The following SLC30A8 variants were observed in gnomAD, a reference collection of about 807,000 sequenced individuals.
SLC30A8 encodes the protein proton-coupled zinc antiporter SLC30A8.
A neutral mutation model predicts 36.9 loss-of-function variants in SLC30A8; 27 were observed. That is an observed-to-expected ratio of 0.73 (90% CI 0.54 to 1.01). The LOEUF (loss-of-function observed/expected upper bound fraction) is 1.01, where lower values mean the gene tolerates loss of function less well. Ranked by LOEUF, SLC30A8 falls within the 50% of genes least tolerant of loss-of-function variation. The pLI, the probability that SLC30A8 is intolerant of heterozygous loss-of-function variation, is 0.00. For missense variants in SLC30A8, 439 were observed against 452.0 expected (o/e 0.97, Z 0.26); for synonymous variants, 164 against 172.4 (o/e 0.95, Z 0.38).
At chr8:116,988,474 T>A (rs1815525636) in intron 1 of SLC30A8, among the ~76,000 whole-genome samples, 1 of 152,168 alleles carries the variant, frequency 6.6e-6, no homozygotes, top group Non-Finnish European at 1.5e-5. Context: ...CCCAAGCCCT[T>A]CTCTCTTTGG....
intron 2 of SLC30A8, among the ~76,000 whole-genome samples, chr8:117,102,015 A>G (rs1245886195): frequency 6.6e-6 from 1 of 152,044 alleles, no homozygotes; most frequent in Non-Finnish European, 1.5e-5. Flanking sequence ...CAGACTTCCT[A>G]TATGAAGTTC....
At chr8:117,091,376 AGAATCCAT>A (rs1327696664) in intron 2 of SLC30A8, among the ~76,000 whole-genome samples, 1 of 136,018 alleles carries the variant, frequency 7.4e-6, no homozygotes, top group Non-Finnish European at 1.6e-5. Context: ...TTTCCTGTAC[AGAATCCAT>A]TTTTTTTCTC....
intron 1 of SLC30A8, among the ~76,000 whole-genome samples, chr8:117,140,871 C>T (rs907349761): frequency 2.7e-4 from 41 of 152,122 alleles, no homozygotes; most frequent in African/African-American, 8.4e-4. Flanking sequence ...ATGATTTGTT[C>T]TCCTTTTTCC....
intron 1 of SLC30A8, among the ~76,000 whole-genome samples, chr8:116,953,964 G>A (rs1814092632): frequency 6.6e-6 from 1 of 152,182 alleles, no homozygotes; most frequent in Non-Finnish European, 1.5e-5. Context: ...TCTGAGGGGA[G>A]TTGGATTAGG....
At chr8:117,161,975 G>A in intron 5 of SLC30A8, 87 bp downstream of exon 5, 1 of 1,219,904 alleles carries the variant, frequency 8.2e-7, no homozygotes. Context: ...TAAAGAGAAT[G>A]GGCATCCTCT....
intron 1 of SLC30A8, among the ~76,000 whole-genome samples, chr8:116,968,686 G>C (rs2130610960): frequency 6.6e-6 from 1 of 151,932 alleles, no homozygotes; most frequent in South Asian, 2.1e-4. Context: ...TTATAGGAAA[G>C]AGGAGTGAAT....
intron 2 of SLC30A8, among the ~76,000 whole-genome samples, chr8:117,082,398 C>A (rs1367628005): frequency 6.6e-6 from 1 of 152,136 alleles, no homozygotes; most frequent in Non-Finnish European, 1.5e-5. Context: ...AATGCACTTT[C>A]AAAGAATTTT....
At chr8:117,067,582 A>C (rs1158741803) in intron 2 of SLC30A8, among the ~76,000 whole-genome samples, 2 of 152,170 alleles carry the variant, frequency 1.3e-5, no homozygotes, top group Admixed American at 6.5e-5. Flanking sequence ...ATACAATCTA[A>C]AGTGGCTACA....
At chr8:116,976,652 G>A (rs1480801965) in intron 1 of SLC30A8, among the ~76,000 whole-genome samples, 5 of 152,086 alleles carry the variant, frequency 3.3e-5, no homozygotes, top group Admixed American at 6.6e-5. Context: ...AGCCAGGAGC[G>A]CAGAGGGCAA....
At chr8:117,160,898 G>C (rs892859704) in intron 4 of SLC30A8, among the ~76,000 whole-genome samples, 4 of 152,202 alleles carry the variant, frequency 2.6e-5, no homozygotes, top group Non-Finnish European at 4.4e-5. Flanking sequence ...ATATGTTGCT[G>C]CTTTTAAATC....
At chr8:117,067,648 G>A (rs189144281) in intron 2 of SLC30A8, among the ~76,000 whole-genome samples, 1 of 152,274 alleles carries the variant, frequency 6.6e-6, no homozygotes, top group Non-Finnish European at 1.5e-5. Flanking sequence ...GTCTGTGAAT[G>A]AGATCATATT....
At chr8:117,138,087 GA>G (rs374937926) in intron 1 of SLC30A8, among the ~76,000 whole-genome samples, 228 of 126,204 alleles carry the variant, frequency 1.8e-3, no homozygotes, top group Middle Eastern at 8.1e-3. Flanking sequence ...AAAAGAAAAA[GA>G]AAAAAAAAAG....
intron 2 of SLC30A8, among the ~76,000 whole-genome samples, chr8:117,048,479 G>A (rs1817617377): frequency 6.6e-6 from 1 of 152,034 alleles, no homozygotes; most frequent in Non-Finnish European, 1.5e-5. Flanking sequence ...TGCCATAATT[G>A]TTCAAAAATG....
At chr8:117,141,974 G>A (rs915983928) in intron 1 of SLC30A8, among the ~76,000 whole-genome samples, 2 of 152,112 alleles carry the variant, frequency 1.3e-5, no homozygotes, top group Non-Finnish European at 2.9e-5. Context: ...TTGAGGCACA[G>A]AGAGGTTAAG....
chr8:117,014,440 C>T (rs1020017596), intron 1 of SLC30A8, among the ~76,000 whole-genome samples: 1 of 152,098 alleles, frequency 6.6e-6, no homozygotes, highest in African/African-American at 2.4e-5. Context: ...GTCCCTATAC[C>T]TTGATTCTAT....
rs116028639 is a variant in SLC30A8, at chr8:116,981,778, T to C, written c.-266+30659T>C. ...TTTTTTATGGCTGTGTAGTATTCCA[T>C]GGTGTGTATGTACTACATATTTTAA... On this transcript the variant is annotated intron_variant, in intron 1 of 10. Coordinates refer to the SLC30A8 transcript ENST00000427715. 9.2e-3 allele frequency among the ~76,000 whole-genome samples: 1,405 copies of C among 152,332 alleles called. 23 individuals are homozygous for C. The highest frequency in any genetic ancestry group is 0.031 in the African/African-American group (1,294 of 41,582).
upstream of SLC30A8, among the ~76,000 whole-genome samples, chr8:117,134,066 T>C (rs539688676): frequency 6.6e-6 from 1 of 152,064 alleles, no homozygotes; most frequent in South Asian, 2.1e-4. Context: ...AGGTGACTTC[T>C]CCTGTCACTG....
intron 7 of SLC30A8, 93 bp from the exon 8 acceptor site, chr8:117,172,443 C>T: frequency 1.9e-6 from 3 of 1,552,444 alleles, no homozygotes; most frequent in Non-Finnish European, 2.7e-6. Flanking sequence ...CCCACCCCAG[C>T]AGGTCAAAGA....
chr8:116,995,998 C>G (rs1238997579), intron 1 of SLC30A8, among the ~76,000 whole-genome samples: 1 of 152,202 alleles, frequency 6.6e-6, no homozygotes, highest in Non-Finnish European at 1.5e-5. Context: ...AAGCCTTTGT[C>G]TCTTTGCAGT....
Sources: gnomAD v4.1 joint callset for allele counts (sites outside exome capture counted in the v4.1 genomes callset) on GRCh38, gnomAD v4.1.1 for gene constraint, MANE v1.5 for transcripts, NCBI Gene and HGNC (gene_info 2026-07-23, HGNC 2026-07-21) for gene names.